The following TCN2 variants were observed in gnomAD, a reference collection of about 807,000 sequenced individuals.
TCN2 encodes the protein transcobalamin 2, also known as transcobalamin-2.
In TCN2, 34 loss-of-function variants were observed where a neutral mutation model predicts 48.6. The observed-to-expected ratio is 0.70, with a 90% CI of 0.53 to 0.93. The LOEUF (loss-of-function observed/expected upper bound fraction) is 0.93. Among genes scored for constraint, TCN2 ranks in the 40% least tolerant of loss-of-function variants. The pLI is 0.00. For synonymous variants in TCN2, 283 were observed against 212.5 expected, an observed-to-expected ratio of 1.33 and a Z score of -2.89; for missense variants, 652 against 526.1, an observed-to-expected ratio of 1.24 and a Z score of -2.34.
chr22:30,623,825 C>CACACACATATAT lies in TCN2; in HGVS notation c.1222+753_1222+754insTACACACATATA, dbSNP rs2087744542. 2.5e-4 allele frequency among the ~76,000 whole-genome samples: 4 copies of CACACACATATAT among 15,970 alleles called. 1 individual carries two copies. Among genetic ancestry groups the CACACACATATAT allele is most frequent in the Non-Finnish European group, 4.0e-4 (4 of 9,878 alleles). 10.5% of individuals were successfully genotyped at this position (15,970 alleles called of 152,430 possible). On this transcript the variant is annotated intron_variant, in intron 8 of 8. Transcript: ENST00000215838. ...ACATACACATATATACACACACATA[C>CACACACATATAT]ACACACATATACACACACATACATA...
rs769116695 is a variant in TCN2, at chr22:30,617,464, C to T, written c.1075C>T (p.Leu359=). 1.9e-6 allele frequency: 3 copies of T among 1,614,178 alleles called. No individual in the cohort carries two copies. Among genetic ancestry groups the T allele is most frequent in the East Asian group, 4.5e-5 (2 of 44,886 alleles). ...GGCCGGGTCCACCGTGGAAGATGTC[C>T]TGAAGAAGGCCCATGAGTTAGGAGG... ...VLAGSTVEDV[L]KKAHELGGFT... Residue 359 remains leucine, a synonymous_variant, in exon 7 of 9, where the codon CTG becomes TTG. Coordinates refer to ENST00000215838, the MANE Select transcript of TCN2 (RefSeq NM_000355.4).
chr22:30,617,263 C>T (rs2087624195), intron 6 of TCN2, 67 bp from the exon 7 acceptor site: 3 of 1,607,644 alleles, frequency 1.9e-6, no homozygotes, highest in Non-Finnish European at 1.7e-6. Context: ...TGAGGGAAGA[C>T]AAGAAGACAA....
At chr22:30,624,082 T>A (rs79864370) in intron 8 of TCN2, among the ~76,000 whole-genome samples, 4,861 of 80,850 alleles carry the variant, frequency 0.06, 1,555 homozygotes, top group Non-Finnish European at 0.084. Flanking sequence ...ATATATATAT[T>A]TTTTTTTTTT....
At chr22:30,620,343 A>G (rs1429597121) in intron 7 of TCN2, among the ~76,000 whole-genome samples, 4 of 152,182 alleles carry the variant, frequency 2.6e-5, no homozygotes. Flanking sequence ...TAAATCCCCA[A>G]CAACTTTATA....
Position 30,615,582 on chromosome 22 carries a change from T to C in TCN2, c.754-19T>C. On this transcript the variant is annotated intron_variant, in intron 5 of 8. Coordinates refer to ENST00000215838, the MANE Select transcript of TCN2 (RefSeq NM_000355.4). ...CCTGCCGGCTGACTTCCTCTCTCTC[T>C]TCCTCACTCTATCACCAGTTCCTCA... 6.2e-7 allele frequency: 1 copy of C among 1,614,054 alleles called. No individual in the cohort carries two copies. The highest frequency in any genetic ancestry group is 8.5e-7 in the Non-Finnish European group (1 of 1,179,988).
In TCN2 at chr22:30,624,017, TACACAC is replaced by T. The variant is rs1370234807; in HGVS notation, c.1222+936_1222+941del. Among the ~76,000 whole-genome samples the T allele has an allele frequency of 6.5e-4, 50 of 77,232 alleles. 16 individuals carry two copies. The highest frequency in any genetic ancestry group is 2.3e-3 in the African/African-American group (45 of 19,892). The allele number at this position is 77,232 out of a possible 152,430, so 50.7% of individuals were successfully genotyped here. A position where few individuals can be genotyped will look rare whatever the true frequency, so the allele number is the denominator to read the frequency against. Reference sequence around the variant, plus strand: ...ACACACATATATATGTATACATATATACACACATATATATGTATACATATATACACA... The same window carrying T: ...ACACACATATATATGTATACATATATATATATATGTATACATATATACACA... On this transcript the variant is annotated intron_variant, in intron 8 of 8. Transcript: ENST00000215838.
intron 1 of TCN2, chr22:30,610,485 C>T (rs1802852626): frequency 7.9e-6 from 3 of 380,434 alleles, no homozygotes; most frequent in South Asian, 6.2e-5. Context: ...CTTCTGTTTC[C>T]TCTTCTGTGC....
chr22:30,620,043 G>C (rs867112326), intron 7 of TCN2, among the ~76,000 whole-genome samples: 4 of 152,120 alleles, frequency 2.6e-5, no homozygotes, highest in Non-Finnish European at 4.4e-5. Flanking sequence ...TATAATCCTA[G>C]CTACCCAGAA....
At chr22:30,608,609 C>G (rs11702925) in intron 1 of TCN2, among the ~76,000 whole-genome samples, 1 of 151,424 alleles carries the variant, frequency 6.6e-6, no homozygotes, top group Non-Finnish European at 1.5e-5. Context: ...AGGCTGGTCT[C>G]GAACTCCTGG....
In TCN2 at chr22:30,617,506, C is replaced by T. The variant is rs2145548417; in HGVS notation, c.1106+11C>T. 1 of 1,614,028 alleles carries T rather than the reference C, an allele frequency of 6.2e-7. No homozygotes were observed. The highest frequency in any genetic ancestry group is 1.7e-5 in the Admixed American group (1 of 60,010). On this transcript the variant is annotated intron_variant, in intron 7 of 8. Transcript: ENST00000215838. ...GTTAGGAGGATTCACGTGAGACTCC[C>T]ACCTCCCAGTCCTCACCCCACCCAA... is the stretch of plus-strand genomic sequence containing the variant.
At chr22:30,618,100 A>G (rs1421974876) in intron 7 of TCN2, among the ~76,000 whole-genome samples, 2 of 140,932 alleles carry the variant, frequency 1.4e-5, no homozygotes, top group Non-Finnish European at 3.0e-5. Context: ...CACGTGCCAC[A>G]CAACCCTGGG....
chr22:30,617,890 C>T (rs906693435), intron 7 of TCN2, among the ~76,000 whole-genome samples: 6 of 152,194 alleles, frequency 3.9e-5, no homozygotes, highest in Middle Eastern at 3.2e-3. Context: ...ACATAGCAAG[C>T]GCTCAACACA....
intron 7 of TCN2, 76 bp downstream of exon 7, chr22:30,617,571 A>C: frequency 6.3e-7 from 1 of 1,599,326 alleles, no homozygotes; most frequent in East Asian, 2.2e-5. Flanking sequence ...AGAGACGGGG[A>C]ACAGAGGAGA....
At chr22:30,618,710 C>G (rs779597521) in intron 7 of TCN2, among the ~76,000 whole-genome samples, 7 of 152,128 alleles carry the variant, frequency 4.6e-5, no homozygotes, top group Non-Finnish European at 1.5e-5. Context: ...GTGGCACATT[C>G]ATAGCTCACT....
intron 8 of TCN2, 85 bp downstream of exon 8, chr22:30,623,168 C>T (rs919102476): frequency 1.8e-5 from 24 of 1,345,320 alleles, no homozygotes; most frequent in Non-Finnish European, 2.4e-5. Flanking sequence ...CCCAGCTTTC[C>T]CTAGCACCCT....
At position 30,607,221 on chromosome 22, in the gene TCN2, G is replaced by A. The variant is rs1016774431; in HGVS notation, c.-111G>A. On this transcript the variant is annotated 5_prime_UTR_variant, in exon 1 of 9. Transcript: ENST00000215838. ...GGCATGGAGGATTAATCAGTGACAGGAAGCTGCGTCTCTCGGAGCGGTGAC... is the reference window on the plus strand; with the variant it reads ...GGCATGGAGGATTAATCAGTGACAGAAAGCTGCGTCTCTCGGAGCGGTGAC... 3.4e-6 allele frequency: 4 copies of A among 1,171,844 alleles called. No homozygotes were observed. Among genetic ancestry groups the A allele is most frequent in the African/African-American group, 3.0e-5 (2 of 66,218 alleles). 72.6% of individuals were successfully genotyped at this position (1,171,844 alleles called of 1,614,324 possible).
Position 30,623,959 on chromosome 22 carries a change from T to TATATACACACACATATATATGTATAC in TCN2, c.1222+882_1222+907dup, listed in dbSNP as rs1569046978. Among the ~76,000 whole-genome samples the TATATACACACACATATATATGTATAC allele has an allele frequency of 4.2e-5, 4 of 95,082 alleles. 1 individual carries two copies. The highest frequency in any genetic ancestry group is 2.6e-4 in the East Asian group (1 of 3,842). 62.4% of individuals were successfully genotyped at this position (95,082 alleles called of 152,430 possible). On this transcript the variant is annotated intron_variant, in intron 8 of 8. Transcript: ENST00000215838. ...ATATACACACACACATATGTATACA[T>TATATACACACACATATATATGTATAC]ATATACACACACATATATATGTATA...
chr22:30,610,756 G>C (rs766247964), intron 1 of TCN2, 115 bp from the exon 2 acceptor site: 4 of 1,065,144 alleles, frequency 3.8e-6, no homozygotes, highest in Non-Finnish European at 5.7e-6. Context: ...GTGTGTGCTG[G>C]GTGGAGGTGG....
chr22:30,612,786 C>T (rs969724329), intron 2 of TCN2, 87 bp from the exon 3 acceptor site: 33 of 1,554,576 alleles, frequency 2.1e-5, no homozygotes, highest in Admixed American at 5.3e-5. Flanking sequence ...GATTTTTTCC[C>T]GCTTTGTGAT....
Sources: allele counts gnomAD v4.1 joint callset (sites outside exome capture counted in the v4.1 genomes callset), GRCh38; gene constraint gnomAD v4.1.1; transcripts MANE v1.5; gene names NCBI Gene and HGNC (gene_info 2026-07-23, HGNC 2026-07-21).